RPGRIP1: variants seen among roughly 807,000 people sequenced by gnomAD.
RPGRIP1 encodes RPGR interacting protein 1, also known as X-linked retinitis pigmentosa GTPase regulator-interacting protein 1.
RPGRIP1 carries 128 observed loss-of-function variants against 157.9 expected under a neutral mutation model. The observed-to-expected ratio is 0.81, with a 90% confidence interval of 0.70 to 0.94. RPGRIP1 has a LOEUF of 0.94. Ranked by LOEUF, RPGRIP1 falls within the 40% of genes least tolerant of loss-of-function variation. RPGRIP1 has a pLI of 0.00. For synonymous variants in RPGRIP1, 554 were observed against 571.6 expected (o/e 0.97, Z 0.44); for missense variants, 1,486 against 1,545.8 (o/e 0.96, Z 0.65).
intron 11 of RPGRIP1, among the ~76,000 whole-genome samples, chr14:21,319,627 G>A (rs1882186665): frequency 6.6e-6 from 1 of 152,164 alleles, no homozygotes; most frequent in African/African-American, 2.4e-5. Flanking sequence ...CAGGGTGGGT[G>A]TGAAGATGGG....
chr14:21,337,639 A>G (rs942062275), intron 21 of RPGRIP1, among the ~76,000 whole-genome samples: 3 of 150,996 alleles, frequency 2.0e-5, no homozygotes, highest in African/African-American at 7.3e-5. Context: ...ACGGAGTTTC[A>G]CTATGTTGGC....
intron 1 of RPGRIP1, 141 bp from the exon 2 acceptor site, chr14:21,287,798 G>A (rs1594369353): frequency 2.0e-6 from 1 of 501,528 alleles, no homozygotes; most frequent in East Asian, 3.1e-5. Flanking sequence ...GTGTAGAGTT[G>A]TCCACACTAC....
intron 3 of RPGRIP1, among the ~76,000 whole-genome samples, chr14:21,299,348 G>A (rs563487815): frequency 6.6e-6 from 1 of 151,862 alleles, no homozygotes; most frequent in Non-Finnish European, 1.5e-5. Context: ...CTAGTGACTT[G>A]AGTGAAGTCA....
In RPGRIP1 at chr14:21,287,545, G is replaced by C. The variant is rs566587478; in HGVS notation, c.-38-394G>C. On this transcript the variant is annotated intron_variant, in intron 1 of 24. Coordinates refer to ENST00000400017, the MANE Select transcript of RPGRIP1 (RefSeq NM_020366.4). ...CATTCGATTAACCCTGGTCCAATCA[G>C]CAATGGCTTCGGGGACTGGATTGTA... 3.3e-5 allele frequency among the ~76,000 whole-genome samples: 5 copies of C among 152,258 alleles called. No individual in the cohort carries two copies. In the East Asian group the frequency reaches 9.7e-4, roughly 29 times the overall value.
At chr14:21,351,018 T>C (rs1196572721) in intron 24 of RPGRIP1, 86 bp from the exon 25 acceptor site, 3 of 696,006 alleles carry the variant, frequency 4.3e-6, no homozygotes, top group South Asian at 2.0e-5. Context: ...ATTTCATTCA[T>C]TTAGCATCCC....
intron 21 of RPGRIP1, among the ~76,000 whole-genome samples, chr14:21,339,764 G>A (rs756283985): frequency 3.3e-5 from 5 of 152,126 alleles, no homozygotes; most frequent in Non-Finnish European, 5.9e-5. Flanking sequence ...AGCCTTATGA[G>A]TTATTCTTTC....
intron 11 of RPGRIP1, 98 bp downstream of exon 11, chr14:21,317,948 T>G: frequency 2.9e-6 from 3 of 1,017,798 alleles, no homozygotes; most frequent in Non-Finnish European, 4.4e-6. Flanking sequence ...TCCCCTCACT[T>G]GATCCTATTC....
chr14:21,348,905 C>T (rs898189220), intron 24 of RPGRIP1, among the ~76,000 whole-genome samples: 3 of 151,962 alleles, frequency 2.0e-5, no homozygotes, highest in African/African-American at 7.3e-5. Flanking sequence ...AAGTGATCTG[C>T]TTGCCTTGGC....
chr14:21,340,630 G>A (rs186273752), intron 21 of RPGRIP1, among the ~76,000 whole-genome samples: 1 of 152,284 alleles, frequency 6.6e-6, no homozygotes, highest in East Asian at 1.9e-4. Flanking sequence ...ACTCCAGCCT[G>A]GGCAACAGTG....
At chr14:21,341,877 C>T (rs547714010) in intron 21 of RPGRIP1, among the ~76,000 whole-genome samples, 7 of 152,014 alleles carry the variant, frequency 4.6e-5, no homozygotes, top group African/African-American at 1.4e-4. Context: ...AACTAAACCC[C>T]GTCTCTACTA....
chr14:21,342,996 C>T, intron 21 of RPGRIP1, 40 bp from the exon 22 acceptor site: 2 of 1,515,352 alleles, frequency 1.3e-6, no homozygotes, highest in Non-Finnish European at 1.8e-6. Flanking sequence ...CTTGGAGCCT[C>T]ACTAACCTTT....
chr14:21,316,528 A>T (rs749395002), intron 10 of RPGRIP1, among the ~76,000 whole-genome samples: 3 of 150,254 alleles, frequency 2.0e-5, no homozygotes, highest in Non-Finnish European at 4.4e-5. Flanking sequence ...GCAATTCTCC[A>T]GCCTCAGCCT....
chr14:21,298,618 C>T (rs188873299), intron 3 of RPGRIP1, among the ~76,000 whole-genome samples: 9 of 151,836 alleles, frequency 5.9e-5, no homozygotes, highest in Non-Finnish European at 1.2e-4. Flanking sequence ...TCATTGTAAC[C>T]CCCAGGAGTG....
At chr14:21,333,570 C>T in intron 20 of RPGRIP1, among the ~76,000 whole-genome samples, 1 of 152,306 alleles carries the variant, frequency 6.6e-6, no homozygotes, top group African/African-American at 2.4e-5. Flanking sequence ...TCTCCTCTCT[C>T]AATGTGGCAT....
chr14:21,328,738 A>C, intron 19 of RPGRIP1, 111 bp downstream of exon 19: 2 of 778,804 alleles, frequency 2.6e-6, no homozygotes, highest in Non-Finnish European at 2.1e-6. Context: ...ATAAGCACTA[A>C]TCGGCCGGGC....
rs116293040 is a variant in RPGRIP1, at chr14:21,338,474, G to C, written c.3339+3769G>C. 4.1e-3 allele frequency among the ~76,000 whole-genome samples: 626 copies of C among 152,230 alleles called. 5 individuals carry two copies. The highest frequency in any genetic ancestry group is 0.014 in the African/African-American group (595 of 41,532). ...AGGGTGTTATCTGGCACTAATCCTT[G>C]CAGGGTTTCTGCCAGCAAGTTCAAA... is the stretch of plus-strand genomic sequence containing the variant. On this transcript the variant is annotated intron_variant, in intron 21 of 24. Transcript: ENST00000400017.
intron 21 of RPGRIP1, among the ~76,000 whole-genome samples, chr14:21,337,723 A>G (rs138151977): frequency 2.5e-4 from 34 of 136,718 alleles, no homozygotes; most frequent in African/African-American, 8.5e-4. Context: ...ATTTACAGGT[A>G]TGAGCCACTG....
intron 21 of RPGRIP1, among the ~76,000 whole-genome samples, chr14:21,337,266 T>C (rs949706361): frequency 6.6e-6 from 1 of 152,136 alleles, no homozygotes; most frequent in African/African-American, 2.4e-5. Context: ...CCTTGTCTCC[T>C]TATCTGTAAA....
Position 21,325,918 on chromosome 14 carries a change from C to T in RPGRIP1, c.2455C>T (p.Gln819Ter). 6.2e-7 allele frequency: 1 copy of T among 1,613,954 alleles called. No homozygotes were observed. The highest frequency in any genetic ancestry group is 8.5e-7 in the Non-Finnish European group (1 of 1,179,854). The change falls in exon 17 of 25, where the codon CAA becomes TAA. Residue 819 changes from glutamine (Q) to a stop codon, truncating the protein, a stop_gained. Transcript: ENST00000400017. LOFTEE classifies it high-confidence loss of function. ...CGLRSRWLGTQPSPYAVYRFF... is the reference protein window; with the variant it reads ...CGLRSRWLGT ...CCTCCGGAGTCGATGGCTGGGAACT[C>T]AACCCAGTCCATATGCTGTGTACCG...
Sources: gnomAD v4.1 joint callset for allele counts (sites outside exome capture counted in the v4.1 genomes callset) on GRCh38, gnomAD v4.1.1 for gene constraint, MANE v1.5 for transcripts, NCBI Gene and HGNC (gene_info 2026-07-23, HGNC 2026-07-21) for gene names.